The following PRMT8 variants were observed in gnomAD, a reference collection of about 807,000 sequenced individuals.
PRMT8 encodes the protein protein arginine methyltransferase 8.
Under a neutral mutation model 47.1 loss-of-function variants are expected in PRMT8, and 7 were observed. The observed-to-expected ratio is 0.15, with a 90% CI of 0.08 to 0.28. The LOEUF is 0.28. Ranked by LOEUF, PRMT8 falls within the 10% of genes least tolerant of loss-of-function variation. The pLI is 1.00. For missense variants in PRMT8, 237 were observed against 505.4 expected (o/e 0.47, Z 5.09); for synonymous variants, 188 against 186.5 (o/e 1.01, Z -0.07).
chr12:3,573,316 A>C (rs983121165), intron 6 of PRMT8, among the ~76,000 whole-genome samples: 9 of 152,172 alleles, frequency 5.9e-5, no homozygotes, highest in African/African-American at 2.2e-4. Flanking sequence ...TTCGATTTCT[A>C]ACATTTCCAC....
At position 3,436,481 on chromosome 12, in the gene PRMT8, CTTTTTTCTTTT is replaced by C. The variant is rs1187884175; in HGVS notation, c.48+55045_48+55055del. 3.3e-5 allele frequency among the ~76,000 whole-genome samples: 5 copies of C among 152,008 alleles called. No homozygotes were observed. Among genetic ancestry groups the C allele is most frequent in the Admixed American group, 1.3e-4 (2 of 15,268 alleles). ...ACCCAGGTAGCTGCTTTCTTTCTTT[CTTTTTTCTTTT>C]TTTTTATGAGCTGCTATTGTCAGCG... On this transcript the variant is annotated intron_variant, in intron 1 of 9. Transcript: ENST00000452611. This position sits in a 1 kb window ranked among gnomAD's most constrained non-coding sequence, Gnocchi z 4.2.
At chr12:3,544,749 C>T (rs1039911241) in intron 2 of PRMT8, among the ~76,000 whole-genome samples, 2 of 152,184 alleles carry the variant, frequency 1.3e-5, no homozygotes, top group Non-Finnish European at 1.5e-5. Flanking sequence ...AGATACCATA[C>T]GGATGTTTCT....
intron 1 of PRMT8, among the ~76,000 whole-genome samples, chr12:3,522,673 C>T (rs1434074242): frequency 1.4e-5 from 2 of 145,880 alleles, no homozygotes; most frequent in African/African-American, 5.0e-5. Context: ...AAAAAACAAG[C>T]TCCACCCAAA....
rs566168572 is a variant in PRMT8 at position 3,437,044 on chromosome 12, A to G, written c.48+55602A>G. ...TTAAGTCACGAAAATGAAATATTCC[A>G]GTTCTGACAATTCAAATGACAGCTG... On this transcript the variant is annotated intron_variant, in intron 1 of 9. Transcript: ENST00000452611. Among the ~76,000 whole-genome samples the G allele has an allele frequency of 3.3e-5, 5 of 152,342 alleles. No individual in the cohort carries two copies. In the East Asian group the frequency reaches 7.7e-4, roughly 23 times the overall value.
At chr12:3,448,920 C>T (rs1331307201) in intron 1 of PRMT8, among the ~76,000 whole-genome samples, 2 of 152,096 alleles carry the variant, frequency 1.3e-5, no homozygotes, top group East Asian at 1.9e-4. Flanking sequence ...CCAGTGTGTG[C>T]TATTCCCCTC....
At chr12:3,568,118 A>G (rs1448351841) in intron 4 of PRMT8, among the ~76,000 whole-genome samples, 3 of 152,176 alleles carry the variant, frequency 2.0e-5, no homozygotes, top group Admixed American at 1.3e-4. Context: ...TGTATTATAT[A>G]CTATATTCTT....
At position 3,535,978 on chromosome 12, in the gene PRMT8, A is replaced by G. The variant is rs768701716; in HGVS notation, c.76-4628A>G. 1.7e-4 allele frequency among the ~76,000 whole-genome samples: 26 copies of G among 152,152 alleles called. No individual in the cohort carries two copies. Among genetic ancestry groups the G allele is most frequent in the Non-Finnish European group, 3.1e-4 (21 of 68,026 alleles). ...AGACCACTGTCATCCCCCAAGACCTATCCCCTGTGCTCCTCAAGTCTCAAG... is the reference window on the plus strand; with the variant it reads ...AGACCACTGTCATCCCCCAAGACCTGTCCCCTGTGCTCCTCAAGTCTCAAG... On this transcript the variant is annotated intron_variant, in intron 1 of 9. Coordinates refer to ENST00000382622, the MANE Select transcript of PRMT8 (RefSeq NM_019854.5). The surrounding 1 kb of genome is among the most constrained non-coding windows in gnomAD (Gnocchi z 4.7).
intron 1 of PRMT8, among the ~76,000 whole-genome samples, chr12:3,455,623 G>T (rs1030002296): frequency 6.6e-6 from 1 of 152,152 alleles, no homozygotes; most frequent in African/African-American, 2.4e-5. Flanking sequence ...CTCTGGGCTC[G>T]GTCCTGGGAG....
At chr12:3,476,975 T>C (rs561493034) in intron 1 of PRMT8, among the ~76,000 whole-genome samples, 1 of 152,254 alleles carries the variant, frequency 6.6e-6, no homozygotes, top group African/African-American at 2.4e-5. Flanking sequence ...TCCTGCACTG[T>C]TTTGTTTGGG....
chr12:3,584,106 C>T (rs1350012305), intron 8 of PRMT8, among the ~76,000 whole-genome samples: 1 of 152,216 alleles, frequency 6.6e-6, no homozygotes, highest in Non-Finnish European at 1.5e-5. Flanking sequence ...ACATGCAGTT[C>T]TGGAGGCTGG....
chr12:3,567,216 C>G (rs1260446615), intron 4 of PRMT8, among the ~76,000 whole-genome samples: 2 of 152,244 alleles, frequency 1.3e-5, no homozygotes, highest in African/African-American at 4.8e-5. Flanking sequence ...TGTGTTATTT[C>G]ATTTGATCAA....
chr12:3,474,504 T>G (rs776041728), intron 1 of PRMT8, among the ~76,000 whole-genome samples: 114 of 152,158 alleles, frequency 7.5e-4, no homozygotes, highest in Non-Finnish European at 8.1e-4. Context: ...CGATGCTCTC[T>G]GCTCCAGTCA....
intron 1 of PRMT8, among the ~76,000 whole-genome samples, chr12:3,459,992 A>C (rs1440812475): frequency 6.6e-6 from 1 of 152,202 alleles, no homozygotes; most frequent in East Asian, 1.9e-4. Flanking sequence ...CATTCACTTC[A>C]CATGAAAGCA....
intron 8 of PRMT8, among the ~76,000 whole-genome samples, 159 bp from the exon 9 acceptor site, chr12:3,592,072 A>G (rs1368789024): frequency 6.6e-6 from 1 of 152,022 alleles, no homozygotes; most frequent in African/African-American, 2.4e-5. Context: ...GGAAGGCTAT[A>G]AGGACTATGC....
At chr12:3,475,142 C>T (rs534422016) in intron 1 of PRMT8, among the ~76,000 whole-genome samples, 7 of 152,144 alleles carry the variant, frequency 4.6e-5, no homozygotes, top group South Asian at 2.1e-4. Flanking sequence ...TAACAGGAGG[C>T]GGCTGGGCCC....
At chr12:3,470,693 C>T (rs1218495786) in intron 1 of PRMT8, among the ~76,000 whole-genome samples, 21 of 62,328 alleles carry the variant, frequency 3.4e-4, no homozygotes, top group Admixed American at 8.0e-4. Flanking sequence ...GTGTCCAGGG[C>T]GGGGGGATGG....
chr12:3,569,421 A>AT lies in PRMT8; in HGVS notation c.625-55dup. 2 of 1,422,418 alleles carry AT rather than the reference A, an allele frequency of 1.4e-6. No homozygotes were observed. The highest frequency in any genetic ancestry group is 9.9e-7 in the Non-Finnish European group (1 of 1,005,146). The allele number at this position is 1,422,418 out of a possible 1,614,324, so 88.1% of individuals were successfully genotyped here. The stretch of plus-strand genomic sequence containing the variant: ...GACTCTATGTGCAGTTCAAAATGTG[A>AT]TGTCTTTGTCAGGTGAATAGATTAC... On this transcript the variant is annotated intron_variant, in intron 5 of 9. Transcript: ENST00000382622. The surrounding 1 kb of genome is among the most constrained non-coding windows in gnomAD (Gnocchi z 8.2).
At chr12:3,521,395 G>A (rs1038559833) in intron 1 of PRMT8, among the ~76,000 whole-genome samples, 22 of 150,854 alleles carry the variant, frequency 1.5e-4, no homozygotes, top group African/African-American at 5.0e-4. Flanking sequence ...CCAACATGAC[G>A]AAACCCCGTC....
chr12:3,543,460 T>C (rs3782761), intron 2 of PRMT8, among the ~76,000 whole-genome samples: 39,080 of 151,964 alleles, frequency 0.26, 5,313 homozygotes, highest in East Asian at 0.45. Flanking sequence ...TCTGCATCCA[T>C]CTGGAGCCAC....
Sources: allele counts gnomAD v4.1 joint callset (sites outside exome capture counted in the v4.1 genomes callset), GRCh38; gene constraint gnomAD v4.1.1; non-coding constraint Gnocchi (gnomAD v3.1); transcripts MANE v1.5; gene names NCBI Gene and HGNC (gene_info 2026-07-23, HGNC 2026-07-21).